Variants in HSDL1 observed in about 807,000 individuals in gnomAD.
The protein encoded by HSDL1 is hydroxysteroid dehydrogenase like 1.
HSDL1 carries 29 observed loss-of-function variants against 31.5 expected under a neutral mutation model. That is an observed-to-expected ratio of 0.92 (90% CI 0.69 to 1.26). The LOEUF is 1.26. HSDL1 is among the 50% of genes most tolerant of loss of function. The probability of loss-of-function intolerance (pLI) is 0.00; values close to 1 mark genes in which losing one functional copy is unlikely to be tolerated. For synonymous variants in HSDL1, 222 were observed against 155.2 expected (o/e 1.43, Z -3.20); for missense variants, 503 against 416.6 (o/e 1.21, Z -1.81).
At chr16:84,141,276 T>C (rs1030425276) in intron 1 of HSDL1, among the ~76,000 whole-genome samples, 9 of 152,226 alleles carry the variant, frequency 5.9e-5, no homozygotes, top group East Asian at 5.8e-4. Context: ...ACGGTTCAGA[T>C]GCACTGCAGT....
At chr16:84,134,647 C>T (rs1031901740) in intron 2 of HSDL1, among the ~76,000 whole-genome samples, 3 of 151,908 alleles carry the variant, frequency 2.0e-5, no homozygotes, top group Non-Finnish European at 2.9e-5. Context: ...AAAAAACAAC[C>T]GAGATTCTAT....
chr16:84,141,115 T>C (rs964919772), intron 1 of HSDL1, among the ~76,000 whole-genome samples: 12 of 151,652 alleles, frequency 7.9e-5, no homozygotes, highest in African/African-American at 2.7e-4. Flanking sequence ...ACAGTATTGC[T>C]AAGTTTCGCC....
Position 84,143,510 on chromosome 16 carries a change from G to T in HSDL1, c.-69+1570C>A, listed in dbSNP as rs557815449. 5.1e-4 allele frequency among the ~76,000 whole-genome samples: 77 copies of T among 152,220 alleles called. 2 individuals carry two copies. Among genetic ancestry groups the T allele is most frequent in the African/African-American group, 1.7e-3 (69 of 41,516 alleles). ...CTTTTGTAGGTGATTAAATGTTCTG[G>T]AATTAGTTACTGGTGATGGTTGCAT... On this transcript the variant is annotated intron_variant, in intron 1 of 5. Transcript: ENST00000219439.
intron 1 of HSDL1, among the ~76,000 whole-genome samples, chr16:84,143,402 A>C (rs532941125): frequency 6.6e-6 from 1 of 152,328 alleles, no homozygotes; most frequent in African/African-American, 2.4e-5. Context: ...AGCATAAGCA[A>C]ATCCATAGAG....
At chr16:84,140,700 C>A (rs1444084501) in intron 1 of HSDL1, among the ~76,000 whole-genome samples, 1 of 152,346 alleles carries the variant, frequency 6.6e-6, no homozygotes, top group East Asian at 1.9e-4. Flanking sequence ...CCTCTGATTA[C>A]AGCCCCTCCT....
At chr16:84,137,200 T>C (rs1490372429) in intron 1 of HSDL1, among the ~76,000 whole-genome samples, 3 of 151,662 alleles carry the variant, frequency 2.0e-5, no homozygotes, top group African/African-American at 7.3e-5. Flanking sequence ...TGGGGTGAAA[T>C]GGGTCTTGAA....
At chr16:84,138,618 G>A (rs1189186652) in intron 1 of HSDL1, among the ~76,000 whole-genome samples, 2 of 152,178 alleles carry the variant, frequency 1.3e-5, no homozygotes, top group Admixed American at 6.5e-5. Flanking sequence ...CTTCGATGAA[G>A]TTGGAAAAAT....
At chr16:84,142,391 T>C (rs530997947) in intron 1 of HSDL1, among the ~76,000 whole-genome samples, 4 of 150,622 alleles carry the variant, frequency 2.7e-5, no homozygotes, top group African/African-American at 9.7e-5. Flanking sequence ...TTAATCCTCC[T>C]GGCGTTTTGT....
chr16:84,136,295 A>AC (rs143871169), intron 1 of HSDL1, among the ~76,000 whole-genome samples: 4,668 of 151,992 alleles, frequency 0.031, 204 homozygotes, highest in East Asian at 0.22. Flanking sequence ...ATGAAAGGAA[A>AC]CCCCTGGTCC....
chr16:84,140,948 G>C (rs988435174), intron 1 of HSDL1, among the ~76,000 whole-genome samples: 3 of 152,054 alleles, frequency 2.0e-5, no homozygotes, highest in Non-Finnish European at 4.4e-5. Flanking sequence ...AAAATTAGCC[G>C]GGCGCAGTGG....
intron 3 of HSDL1, among the ~76,000 whole-genome samples, chr16:84,130,638 C>T (rs1032670980): frequency 4.6e-5 from 7 of 152,322 alleles, no homozygotes; most frequent in African/African-American, 9.6e-5. Flanking sequence ...TCCTGACACA[C>T]GGACAGGGAG....
At chr16:84,128,220 T>C (rs1597372549) in intron 5 of HSDL1, among the ~76,000 whole-genome samples, 2 of 150,454 alleles carry the variant, frequency 1.3e-5, no homozygotes, top group African/African-American at 2.4e-5. Flanking sequence ...ACCCGAGAGG[T>C]GGAGGTTGCA....
At position 84,126,312 on chromosome 16, in the gene HSDL1, T is replaced by A. The variant is rs1294539783; in HGVS notation, c.895-1584A>T. Among the ~76,000 whole-genome samples the A allele has an allele frequency of 2.6e-5, 4 of 151,522 alleles. No homozygotes were observed. In the East Asian group the frequency reaches 7.7e-4, roughly 29 times the overall value. Reference sequence around the variant, plus strand: ...GTGCTCAGGGGACCAGGGAAGGGAGTCCTGCTGATGCTGCTCTGCTTCAGG... The same window carrying A: ...GTGCTCAGGGGACCAGGGAAGGGAGACCTGCTGATGCTGCTCTGCTTCAGG... On this transcript the variant is annotated intron_variant, in intron 5 of 5. Transcript: ENST00000219439.
chr16:84,126,313 C>A (rs971207349), intron 5 of HSDL1, among the ~76,000 whole-genome samples: 1 of 151,936 alleles, frequency 6.6e-6, no homozygotes, highest in African/African-American at 2.4e-5. Context: ...GGAAGGGAGT[C>A]CTGCTGATGC....
chr16:84,142,093 A>C (rs953317960), intron 1 of HSDL1, among the ~76,000 whole-genome samples: 3 of 152,036 alleles, frequency 2.0e-5, no homozygotes, highest in African/African-American at 7.2e-5. Context: ...AGCCCAGTTA[A>C]ATTTTTTTTG....
intron 1 of HSDL1, among the ~76,000 whole-genome samples, chr16:84,141,540 C>T (rs1334110525): frequency 1.3e-5 from 2 of 152,242 alleles, no homozygotes; most frequent in African/African-American, 4.8e-5. Context: ...AAGGGATTTG[C>T]CCATGGTTTA....
chr16:84,129,680 G>A lies in HSDL1; in HGVS notation c.762C>T (p.Ser254=), dbSNP rs374207208. The A allele has an allele frequency of 1.9e-5, 30 of 1,614,062 alleles. No homozygotes were observed. Among genetic ancestry groups the A allele is most frequent in the Non-Finnish European group, 2.5e-5 (29 of 1,180,018 alleles). Residue 254 remains serine, a synonymous_variant, in exon 5 of 6, where the codon AGC becomes AGT. Coordinates refer to ENST00000219439, the MANE Select transcript of HSDL1 (RefSeq NM_031463.5). ...GCAGAAAGTTGCTGGGTGCTGTCAT[G>A]CTGGTGGCTACATAGAAAGGGATTA... ...QSLIPFYVAT[S]MTAPSNFLHR...
chr16:84,130,434 A>G lies in HSDL1; in HGVS notation c.221-3T>C. On this transcript the variant is annotated splice_polypyrimidine_tract_variant and splice_region_variant and intron_variant, in intron 3 of 5. Transcript: ENST00000219439. ...TTTTCCAATCCCATCTGTTGCACCT[A>G]GGATGCAAGTCAGGAAAAGTGAGCA... 1.9e-6 allele frequency: 3 copies of G among 1,599,868 alleles called. No homozygotes were observed. The highest frequency in any genetic ancestry group is 2.6e-6 in the Non-Finnish European group (3 of 1,172,952).
intron 2 of HSDL1, among the ~76,000 whole-genome samples, chr16:84,134,850 G>A (rs1359291279): frequency 6.6e-6 from 1 of 152,162 alleles, no homozygotes; most frequent in Admixed American, 6.5e-5. Context: ...TATGACTAAA[G>A]AAACCTAGAC....
Sources: allele counts gnomAD v4.1 joint callset (sites outside exome capture counted in the v4.1 genomes callset), GRCh38; gene constraint gnomAD v4.1.1; transcripts MANE v1.5; gene names NCBI Gene and HGNC (gene_info 2026-07-23, HGNC 2026-07-21).